NFX1: variants seen among roughly 807,000 people sequenced by gnomAD.
NFX1 encodes transcriptional repressor NF-X1.
Under a neutral mutation model 137.2 loss-of-function variants are expected in NFX1, and 69 were observed. That is an observed-to-expected ratio of 0.50 (90% CI 0.41 to 0.61). The LOEUF is 0.61. Ranked by LOEUF, NFX1 falls within the 20% of genes least tolerant of loss-of-function variation. The pLI, the probability that NFX1 is intolerant of heterozygous loss-of-function variation, is 0.00. For missense variants in NFX1, 1,167 were observed against 1,391.0 expected, an observed-to-expected ratio of 0.84 and a Z score of 2.56; for synonymous variants, 495 against 474.1, an observed-to-expected ratio of 1.04 and a Z score of -0.57.
Position 33,311,157 on chromosome 9 carries a change from A to C in NFX1, c.1428A>C (p.Thr476=), listed in dbSNP as rs757392035. The C allele has an allele frequency of 1.9e-6, 3 of 1,614,068 alleles. No homozygotes were observed. In the African/African-American group the frequency reaches 4.0e-5, roughly 22 times the overall value. ...CPPCPAFMTK[T]CECGRTRHTV... ...CCTGCCCTGCCTTTATGACAAAAAC[A>C]TGTGAATGTGGACGAACCAGGTAAA... Residue 476 remains threonine, a synonymous_variant, in exon 6 of 24, where the codon ACA becomes ACC. Coordinates refer to ENST00000379540, the MANE Select transcript of NFX1 (RefSeq NM_002504.6).
chr9:33,308,128 CAATA>C (rs1420865666), intron 5 of NFX1, among the ~76,000 whole-genome samples: 2 of 152,128 alleles, frequency 1.3e-5, no homozygotes, highest in African/African-American at 4.8e-5. Context: ...CTTTTCCCTA[CAATA>C]AATAGCCAGC....
At chr9:33,369,154 C>T (rs892532412) in intron 23 of NFX1, among the ~76,000 whole-genome samples, 2 of 152,156 alleles carry the variant, frequency 1.3e-5, no homozygotes, top group African/African-American at 2.4e-5. Flanking sequence ...CAAGCTCCGC[C>T]TCCCGGGTTC....
intron 4 of NFX1, 52 bp from the exon 5 acceptor site, chr9:33,307,142 G>GAGA: frequency 2.8e-6 from 4 of 1,443,348 alleles, no homozygotes; most frequent in Non-Finnish European, 3.9e-6. Flanking sequence ...CATTAAAGTT[G>GAGA]AGAATGTGGT....
chr9:33,335,756 A>T (rs1366086347), intron 11 of NFX1, among the ~76,000 whole-genome samples: 3 of 152,018 alleles, frequency 2.0e-5, no homozygotes, highest in African/African-American at 4.8e-5. Context: ...ATCTGTATGG[A>T]TTTACTATTT....
chr9:33,300,199 G>A (rs573717023), intron 2 of NFX1, among the ~76,000 whole-genome samples: 4 of 150,024 alleles, frequency 2.7e-5, no homozygotes, highest in South Asian at 2.1e-4. Flanking sequence ...ATTACTACTG[G>A]GATTACAGCC....
intron 15 of NFX1, among the ~76,000 whole-genome samples, chr9:33,349,202 G>C (rs1158664524): frequency 6.6e-6 from 1 of 152,156 alleles, no homozygotes; most frequent in African/African-American, 2.4e-5. Context: ...TGGGTGCTTT[G>C]GAAGTGAACG....
intron 6 of NFX1, among the ~76,000 whole-genome samples, chr9:33,312,987 A>C (rs1233780096): frequency 6.6e-6 from 1 of 152,218 alleles, no homozygotes; most frequent in African/African-American, 2.4e-5. Context: ...AGTCACATAT[A>C]GTATGTTCTA....
chr9:33,300,482 T>G (rs1259794114), intron 2 of NFX1, among the ~76,000 whole-genome samples: 5 of 152,300 alleles, frequency 3.3e-5, no homozygotes, highest in African/African-American at 1.2e-4. Context: ...AATAATATTA[T>G]GAAATAAATG....
chr9:33,344,324 T>G, intron 14 of NFX1, 136 bp downstream of exon 14: 1 of 1,240,084 alleles, frequency 8.1e-7, no homozygotes, highest in Non-Finnish European at 1.1e-6. Context: ...GCTGGTTCTC[T>G]GAAGGTGGGT....
intron 13 of NFX1, 64 bp downstream of exon 13, chr9:33,342,918 T>A: frequency 9.6e-7 from 1 of 1,041,752 alleles, no homozygotes; most frequent in Non-Finnish European, 1.4e-6. Context: ...TAATATACTT[T>A]GAGAGATTGA....
intron 12 of NFX1, among the ~76,000 whole-genome samples, chr9:33,342,328 G>A (rs1290675628): frequency 6.7e-6 from 1 of 150,306 alleles, no homozygotes; most frequent in Non-Finnish European, 1.5e-5. Flanking sequence ...CAGGCATGGT[G>A]GTGGATGCCT....
chr9:33,328,074 G>A (rs1431128491), intron 9 of NFX1, among the ~76,000 whole-genome samples: 2 of 152,080 alleles, frequency 1.3e-5, no homozygotes, highest in Non-Finnish European at 2.9e-5. Context: ...TCAGTGGTGC[G>A]ATCACAGTTC....
intron 19 of NFX1, 93 bp downstream of exon 19, chr9:33,354,985 C>A: frequency 1.7e-6 from 2 of 1,174,378 alleles, no homozygotes; most frequent in South Asian, 1.3e-5. Flanking sequence ...ATTCACTCAG[C>A]ACTGCGCTGC....
rs146425876 is a variant in NFX1, at chr9:33,352,003, C to A, written c.2655+213C>A. 3.5e-3 allele frequency: 1,731 copies of A among 497,408 alleles called. 8 individuals are homozygous for A. The highest frequency in any genetic ancestry group is 8.8e-3 in the Middle Eastern group (17 of 1,934). The allele number at this position is 497,408 out of a possible 1,614,324, so 30.8% of individuals were successfully genotyped here. A position where few individuals can be genotyped will look rare whatever the true frequency, so the allele number is the denominator to read the frequency against. On this transcript the variant is annotated intron_variant, in intron 16 of 23. Coordinates refer to ENST00000379540, the MANE Select transcript of NFX1 (RefSeq NM_002504.6). Reference sequence around the variant, plus strand: ...TGATTCAGCAGGTACCCACTGCCACCGGACCACAGTCTGTGTCTCCCTTGG... The same window carrying A: ...TGATTCAGCAGGTACCCACTGCCACAGGACCACAGTCTGTGTCTCCCTTGG...
rs768668091 is a variant in NFX1, at chr9:33,370,052, C to T, written c.*74C>T. The T allele has an allele frequency of 8.7e-6, 10 of 1,143,048 alleles. No homozygotes were observed. Among genetic ancestry groups the T allele is most frequent in the Admixed American group, 1.9e-5 (1 of 52,530 alleles). The allele number at this position is 1,143,048 out of a possible 1,614,324, so 70.8% of individuals were successfully genotyped here. On this transcript the variant is annotated 3_prime_UTR_variant, in exon 24 of 24. Coordinates refer to ENST00000379540, the MANE Select transcript of NFX1 (RefSeq NM_002504.6). Reference sequence around the variant, plus strand: ...CTTATTTGCCAGCAGATAAATCATGCCCGTTCCCCTCTGCCTGGCAGAATC... The same window carrying T: ...CTTATTTGCCAGCAGATAAATCATGTCCGTTCCCCTCTGCCTGGCAGAATC...
intron 5 of NFX1, among the ~76,000 whole-genome samples, chr9:33,308,010 G>A (rs1216673562): frequency 1.3e-5 from 2 of 151,800 alleles, no homozygotes; most frequent in African/African-American, 4.8e-5. Flanking sequence ...TTGCCGTGTT[G>A]CCCAGGTTGG....
In NFX1 at chr9:33,351,568, C is replaced by T. The variant is rs756236900; in HGVS notation, c.2433C>T (p.Ser811=). ...ACTTCTGTCTCTCCTAGTTTCGGAG[C>T]AACATCCCCTGTCACCTGGTTGATA... ...KWCMGKHEFR[S]NIPCHLVDIS... is the part of the protein sequence containing the mutation. The change falls in exon 16 of 24, where the codon AGC becomes AGT. Residue 811 remains serine (S), a synonymous_variant. Transcript: ENST00000379540. The T allele has an allele frequency of 1.2e-6, 2 of 1,614,188 alleles. No homozygotes were observed. The highest frequency in any genetic ancestry group is 2.2e-5 in the South Asian group (2 of 91,088).
chr9:33,342,891 T>A, intron 13 of NFX1, 37 bp downstream of exon 13: 2 of 1,378,446 alleles, frequency 1.5e-6, no homozygotes, highest in Non-Finnish European at 1.0e-6. Context: ...TAGAAGAGTT[T>A]TTTAGAAATT....
rs951401842 is a variant in NFX1 at position 33,294,738 on chromosome 9, A to G, written c.344A>G (p.His115Arg). 8 of 1,614,018 alleles carry G rather than the reference A, an allele frequency of 5.0e-6. No individual in the cohort carries two copies. The highest frequency in any genetic ancestry group is 2.2e-5 in the South Asian group (2 of 91,082). The change falls in exon 2 of 24, where the codon CAT becomes CGT. Residue 115 changes from histidine to arginine, a missense_variant. His to Arg is a conservative substitution (Grantham distance 29). Coordinates refer to ENST00000379540, the MANE Select transcript of NFX1 (RefSeq NM_002504.6). ...PWQKLRNEKH[H>R]IRVKKAQSLA... ...CAGAAATTGAGGAATGAGAAGCACC[A>G]TATCAGAGTCAAGAAAGCACAGAGT...
Sources: gnomAD v4.1 joint callset for allele counts (sites outside exome capture counted in the v4.1 genomes callset) on GRCh38, gnomAD v4.1.1 for gene constraint, MANE v1.5 for transcripts, NCBI Gene and HGNC (gene_info 2026-07-23, HGNC 2026-07-21) for gene names.